The following SGIP1 variants were observed in gnomAD, a reference collection of about 807,000 sequenced individuals.
SGIP1 encodes SH3-containing GRB2-like protein 3-interacting protein 1.
SGIP1 carries 38 observed loss-of-function variants against 107.5 expected under a neutral mutation model. The ratio of observed to expected loss-of-function variants is 0.35; its 90% CI spans 0.27 to 0.46. The LOEUF is 0.46. SGIP1 is among the 20% of genes least tolerant of loss of function. The probability of loss-of-function intolerance (pLI) is 1.00; values close to 1 mark genes in which losing one functional copy is unlikely to be tolerated. For synonymous variants in SGIP1, 365 were observed against 366.1 expected, an observed-to-expected ratio of 1.00 and a Z score of 0.03; for missense variants, 929 against 1,019.5, an observed-to-expected ratio of 0.91 and a Z score of 1.21.
chr1:66,563,702 AC>A lies in SGIP1; in HGVS notation c.10+29340del, dbSNP rs377329050. Among the ~76,000 whole-genome samples, 58 of 150,962 alleles carry A rather than the reference AC, an allele frequency of 3.8e-4. 1 individual carries two copies. Among genetic ancestry groups the A allele is most frequent in the Non-Finnish European group, 5.2e-4 (35 of 67,708 alleles). On this transcript the variant is annotated intron_variant, in intron 1 of 24. Coordinates refer to ENST00000371037, the MANE Select transcript of SGIP1 (RefSeq NM_032291.4). ...AAGGGGAGAAAGAGTTTGTTCCCCC[AC>A]CCCCCTCCACCCAAGTAATTTGCTG...
intron 1 of SGIP1, among the ~76,000 whole-genome samples, chr1:66,594,752 G>T (rs2064286981): frequency 6.6e-6 from 1 of 152,162 alleles, no homozygotes; most frequent in African/African-American, 2.4e-5. Flanking sequence ...CTCCTAGCTT[G>T]GGTGGGTTGC....
chr1:66,670,504 C>G (rs950291464), intron 9 of SGIP1, among the ~76,000 whole-genome samples: 1 of 152,192 alleles, frequency 6.6e-6, no homozygotes, highest in Non-Finnish European at 1.5e-5. Context: ...CAAGTTTCCC[C>G]TGCCTTTTAC....
chr1:66,544,635 G>C (rs552316672), intron 1 of SGIP1, among the ~76,000 whole-genome samples: 2 of 152,282 alleles, frequency 1.3e-5, no homozygotes, highest in African/African-American at 4.8e-5. Context: ...GCTGCAGTGA[G>C]CTATGATCAC....
intron 1 of SGIP1, among the ~76,000 whole-genome samples, chr1:66,577,745 C>A (rs1244018135): frequency 1.4e-5 from 2 of 147,922 alleles, no homozygotes; most frequent in Non-Finnish European, 3.0e-5. Flanking sequence ...AAGAGTGATA[C>A]TAATGCAGTC....
intron 18 of SGIP1, among the ~76,000 whole-genome samples, chr1:66,699,833 T>C (rs1419305178): frequency 2.0e-5 from 3 of 152,028 alleles, no homozygotes; most frequent in East Asian, 1.9e-4. Flanking sequence ...ATGAGTTCTA[T>C]AGGAAAAATA....
chr1:66,569,879 A>G (rs1445880907), intron 1 of SGIP1, among the ~76,000 whole-genome samples: 2 of 151,800 alleles, frequency 1.3e-5, no homozygotes, highest in East Asian at 3.9e-4. Flanking sequence ...AAAGTTATCA[A>G]CTATTGATTC....
chr1:66,727,525 C>G (rs1272109644), intron 19 of SGIP1, among the ~76,000 whole-genome samples: 1 of 152,202 alleles, frequency 6.6e-6, no homozygotes, highest in East Asian at 1.9e-4. Flanking sequence ...GACTCTCCTC[C>G]TGTGTACTTA....
intron 15 of SGIP1, among the ~76,000 whole-genome samples, chr1:66,688,647 T>C (rs771548226): frequency 2.6e-5 from 4 of 152,262 alleles, no homozygotes; most frequent in Non-Finnish European, 5.9e-5. Context: ...ATAAAGTTGG[T>C]GCTCATAGCT....
Position 66,660,191 on chromosome 1 carries a change from GAA to G in SGIP1, c.460-320_460-319del, listed in dbSNP as rs1221552875. 2.3e-5 allele frequency: 4 copies of G among 171,188 alleles called. No homozygotes were observed. The Admixed American group carries it at 3.3e-4, about 14-fold the overall frequency. 10.6% of individuals were successfully genotyped at this position (171,188 alleles called of 1,614,324 possible). A position where few individuals can be genotyped will look rare whatever the true frequency, so the allele number is the denominator to read the frequency against. ...AGAAAGAAAGAAAGAAAGAAAGAAA[GAA>G]AGAAAGAAAGAAAGAAAGAAAGAGA... On this transcript the variant is annotated intron_variant, in intron 7 of 24. Transcript: ENST00000371037.
intron 1 of SGIP1, among the ~76,000 whole-genome samples, chr1:66,549,176 T>G (rs904685487): frequency 1.3e-5 from 2 of 151,426 alleles, no homozygotes; most frequent in African/African-American, 4.9e-5. Context: ...CCTTCCTTCC[T>G]TCCTTCCTTC....
At chr1:66,715,635 T>C (rs1004650542) in intron 18 of SGIP1, among the ~76,000 whole-genome samples, 11 of 152,144 alleles carry the variant, frequency 7.2e-5, no homozygotes, top group Non-Finnish European at 1.6e-4. Context: ...CAAAAAGCAC[T>C]ACGACCATCA....
chr1:66,639,649 T>C lies in SGIP1; in HGVS notation c.172-128T>C, dbSNP rs2076415735. On this transcript the variant is annotated intron_variant, in intron 4 of 24. Transcript: ENST00000371037. Reference sequence around the variant, plus strand: ...CAAATGTGGCTCCTTAATAAACTGCTCTAATATGTCTTTCCAGTGCTGGAT... The same window carrying C: ...CAAATGTGGCTCCTTAATAAACTGCCCTAATATGTCTTTCCAGTGCTGGAT... 6 of 733,814 alleles carry C rather than the reference T, an allele frequency of 8.2e-6. 1 individual carries two copies. The Admixed American group carries it at 1.3e-4, about 16-fold the overall frequency. 45.5% of individuals were successfully genotyped at this position (733,814 alleles called of 1,614,324 possible).
At chr1:66,605,251 C>T (rs1024159070) in intron 1 of SGIP1, among the ~76,000 whole-genome samples, 1 of 152,132 alleles carries the variant, frequency 6.6e-6, no homozygotes, top group Non-Finnish European at 1.5e-5. Context: ...CCATTTCATC[C>T]TTCTGTGTAT....
chr1:66,638,322 A>C (rs1459339997), intron 4 of SGIP1, among the ~76,000 whole-genome samples: 2 of 152,174 alleles, frequency 1.3e-5, no homozygotes, highest in Non-Finnish European at 2.9e-5. Context: ...GTGGCTTCGT[A>C]ACGTACACAT....
intron 17 of SGIP1, 135 bp downstream of exon 17, chr1:66,690,451 C>T: frequency 8.1e-7 from 1 of 1,239,710 alleles, no homozygotes; most frequent in Non-Finnish European, 1.1e-6. Flanking sequence ...CCTGACTCTT[C>T]TTTTAAAACC....
At chr1:66,673,442 T>C (rs1202298280) in intron 12 of SGIP1, 76 bp downstream of exon 12, 4 of 1,298,482 alleles carry the variant, frequency 3.1e-6, no homozygotes, top group Non-Finnish European at 4.2e-6. Context: ...ATTAAATGTA[T>C]GTATTTTGAG....
At chr1:66,612,467 A>G (rs1442503250) in intron 1 of SGIP1, among the ~76,000 whole-genome samples, 1 of 152,254 alleles carries the variant, frequency 6.6e-6, no homozygotes, top group Admixed American at 6.5e-5. Flanking sequence ...AAAGGAAGAG[A>G]AAGACCTTAC....
Position 66,682,064 on chromosome 1 carries a change from C to G in SGIP1, c.1010C>G (p.Pro337Arg). Reference sequence around the variant, plus strand: ...CCAAGGGAAAAAGTGGTGTCCCCACCAGCTACACCAGACAACCCAGCTGAC... The same window carrying G: ...CCAAGGGAAAAAGTGGTGTCCCCACGAGCTACACCAGACAACCCAGCTGAC... ...LTPREKVVSPPATPDNPADSP... is the reference protein window; with the variant it reads ...LTPREKVVSPRATPDNPADSP... The change falls in exon 15 of 25, where the codon CCA (proline) becomes CGA (arginine). Residue 337 changes from proline to arginine, a missense_variant. Around this residue, in one of 2 missense-constraint regions of SGIP1, gnomAD observed 588 missense variants for 588.6 expected, o/e 1.00. Transcript: ENST00000371037. The G allele has an allele frequency of 6.2e-7, 1 of 1,614,200 alleles. No individual in the cohort carries two copies. The highest frequency in any genetic ancestry group is 1.1e-5 in the South Asian group (1 of 91,088).
At chr1:66,612,498 CTT>C (rs1485375335) in intron 1 of SGIP1, among the ~76,000 whole-genome samples, 2 of 152,190 alleles carry the variant, frequency 1.3e-5, no homozygotes, top group African/African-American at 4.8e-5. Context: ...GGGTTGGACT[CTT>C]TACTTTTATA....
Sources: gnomAD v4.1 joint callset for allele counts (sites outside exome capture counted in the v4.1 genomes callset) on GRCh38, gnomAD v4.1.1 for gene constraint, gnomAD v4.1.1 regional missense constraint, MANE v1.5 for transcripts, NCBI Gene and HGNC (gene_info 2026-07-23, HGNC 2026-07-21) for gene names.